Variants in PGAP1 observed in about 807,000 individuals in gnomAD.
PGAP1 encodes post-GPI attachment to proteins inositol deacylase 1, also known as GPI inositol-deacylase.
A neutral mutation model predicts 127.0 loss-of-function variants in PGAP1; 76 were observed. The observed-to-expected ratio is 0.60, with a 90% CI of 0.50 to 0.72. PGAP1 has a LOEUF of 0.72. Among genes scored for constraint, PGAP1 ranks in the 30% least tolerant of loss-of-function variants. The pLI is 0.00. For missense variants in PGAP1, 982 were observed against 1,071.3 expected (o/e 0.92, Z 1.16); for synonymous variants, 362 against 366.5 (o/e 0.99, Z 0.14).
In PGAP1 at chr2:196,839,842, A is replaced by G. The variant is rs1454150852; in HGVS notation, c.*1392T>C. On this transcript the variant is annotated 3_prime_UTR_variant, in exon 27 of 27. Transcript: ENST00000354764. ...AGGACATCCCTGGGTACTAACAAGG[A>G]TACATATTCACAAGTGCAATGGTGG... 6.6e-6 allele frequency: 1 copy of G among 152,238 alleles called. No individual in the cohort carries two copies. Among genetic ancestry groups the G allele is most frequent in the African/African-American group, 2.4e-5 (1 of 41,462 alleles). The allele number at this position is 152,238 out of a possible 1,614,324, so 9.4% of individuals were successfully genotyped here. A position where few individuals can be genotyped will look rare whatever the true frequency, so the allele number is the denominator to read the frequency against.
chr2:196,845,192 C>T (rs1700522163), intron 23 of PGAP1, among the ~76,000 whole-genome samples: 1 of 151,620 alleles, frequency 6.6e-6, no homozygotes. Flanking sequence ...TTTTAAGAAG[C>T]ATATAAATTT....
At chr2:196,900,120 T>G (rs1702434724) in intron 5 of PGAP1, among the ~76,000 whole-genome samples, 1 of 152,214 alleles carries the variant, frequency 6.6e-6, no homozygotes, top group African/African-American at 2.4e-5. Context: ...TTTGTAGGCC[T>G]GACATTTGCC....
At chr2:196,905,585 C>T (rs1270065831) in intron 4 of PGAP1, among the ~76,000 whole-genome samples, 1 of 151,784 alleles carries the variant, frequency 6.6e-6, no homozygotes, top group Non-Finnish European at 1.5e-5. Context: ...TAAGATAATG[C>T]GGGAGGGAGG....
chr2:196,922,161 T>C (rs1413145318), intron 1 of PGAP1: 4 of 1,297,316 alleles, frequency 3.1e-6, no homozygotes, highest in Non-Finnish European at 4.1e-6. Flanking sequence ...TCCTTGACTC[T>C]GCCTTAGTTC....
intron 9 of PGAP1, among the ~76,000 whole-genome samples, chr2:196,891,427 A>G (rs1344091170): frequency 1.3e-5 from 2 of 152,198 alleles, no homozygotes; most frequent in African/African-American, 2.4e-5. Context: ...TGTATCAACA[A>G]AGCTCAGGAA....
At chr2:196,875,294 A>G (rs1249227297) in intron 14 of PGAP1, among the ~76,000 whole-genome samples, 2 of 152,210 alleles carry the variant, frequency 1.3e-5, no homozygotes, top group Non-Finnish European at 2.9e-5. Flanking sequence ...AAAAAATTGT[A>G]TTGTGTTTAT....
intron 20 of PGAP1, among the ~76,000 whole-genome samples, chr2:196,858,966 T>G (rs1029188822): frequency 1.3e-5 from 2 of 152,070 alleles, no homozygotes; most frequent in East Asian, 1.9e-4. Flanking sequence ...ACGGATAAAT[T>G]CTTGGACACA....
At chr2:196,921,215 AAAC>A (rs140168991) in intron 1 of PGAP1, among the ~76,000 whole-genome samples, 1,529 of 151,812 alleles carry the variant, frequency 0.01, 23 homozygotes, top group African/African-American at 0.035. Flanking sequence ...CACACACACA[AAAC>A]AACAAAATTC....
At position 196,838,521 on chromosome 2, in the gene PGAP1, A is replaced by G. The variant is rs990699583; in HGVS notation, c.*2713T>C. ...TGGGTTTAAAGTGCATCAAGACTCAATGAAGACCCTGTCAAAATGTAAGTG... is the reference window on the plus strand; with the variant it reads ...TGGGTTTAAAGTGCATCAAGACTCAGTGAAGACCCTGTCAAAATGTAAGTG... On this transcript the variant is annotated 3_prime_UTR_variant, in exon 27 of 27. Transcript: ENST00000354764. The G allele has an allele frequency of 2.0e-5, 3 of 152,210 alleles. No individual in the cohort carries two copies. The highest frequency in any genetic ancestry group is 4.4e-5 in the Non-Finnish European group (3 of 68,028). The allele number at this position is 152,210 out of a possible 1,614,324, so 9.4% of individuals were successfully genotyped here.
Position 196,848,019 on chromosome 2 carries a change from G to A in PGAP1, c.1880C>T (p.Ala627Val). ...TTTGGCTTCTTTATCCAACATGGTA[G>A]CATATTCTAAGCAACAACCTGGTGA... ...LFSTGCCLEY[A>V]TMLDKEAKPY... Residue 627 changes from alanine to valine, a missense_variant, in exon 21 of 27, where the codon GCT becomes GTT. By Grantham distance (64) the Ala-to-Val change is moderately conservative (BLOSUM62 0). Coordinates refer to ENST00000354764, the MANE Select transcript of PGAP1 (RefSeq NM_024989.4). 6.2e-7 allele frequency: 1 copy of A among 1,600,024 alleles called. No homozygotes were observed.
intron 12 of PGAP1, among the ~76,000 whole-genome samples, chr2:196,884,104 T>G (rs1231651877): frequency 1.3e-5 from 2 of 152,200 alleles, no homozygotes; most frequent in African/African-American, 4.8e-5. Flanking sequence ...AAGAAATACC[T>G]TTTAAAACAT....
At chr2:196,851,366 C>A (rs1324733019) in intron 20 of PGAP1, among the ~76,000 whole-genome samples, 1 of 152,124 alleles carries the variant, frequency 6.6e-6, no homozygotes, top group Non-Finnish European at 1.5e-5. Flanking sequence ...ACTTGTCCAA[C>A]CTCGGGCTGC....
chr2:196,852,375 A>C (rs1700747755), intron 20 of PGAP1, among the ~76,000 whole-genome samples: 1 of 152,120 alleles, frequency 6.6e-6, no homozygotes, highest in South Asian at 2.1e-4. Context: ...TGACTTAAGT[A>C]AATCTTTAAT....
chr2:196,869,436 G>A (rs1048345846), intron 19 of PGAP1, among the ~76,000 whole-genome samples: 5 of 152,138 alleles, frequency 3.3e-5, no homozygotes, highest in South Asian at 4.1e-4. Context: ...CTGGGTTCAC[G>A]CCATTCTCCT....
intron 2 of PGAP1, among the ~76,000 whole-genome samples, chr2:196,919,392 C>A (rs577736110): frequency 6.6e-6 from 1 of 152,240 alleles, no homozygotes; most frequent in Admixed American, 6.5e-5. Flanking sequence ...CATTACATAA[C>A]AATTCTAGTC....
At chr2:196,864,834 T>A (rs1380605993) in intron 20 of PGAP1, among the ~76,000 whole-genome samples, 153 bp downstream of exon 20, 2 of 152,082 alleles carry the variant, frequency 1.3e-5, no homozygotes, top group Non-Finnish European at 2.9e-5. Flanking sequence ...TATAAAAAAA[T>A]AAATAATAAA....
chr2:196,886,097 A>T (rs1340975486), intron 10 of PGAP1, among the ~76,000 whole-genome samples: 1 of 151,058 alleles, frequency 6.6e-6, no homozygotes, highest in African/African-American at 2.4e-5. Context: ...GTCAACATTG[A>T]TAGGTAAGCA....
At chr2:196,861,216 G>A (rs1048386518) in intron 20 of PGAP1, among the ~76,000 whole-genome samples, 5 of 152,064 alleles carry the variant, frequency 3.3e-5, no homozygotes, top group South Asian at 4.1e-4. Context: ...AACCCGAAAC[G>A]ACGAAACTAC....
chr2:196,857,758 T>C (rs1314912943), intron 20 of PGAP1, among the ~76,000 whole-genome samples: 1 of 152,178 alleles, frequency 6.6e-6, no homozygotes, highest in Non-Finnish European at 1.5e-5. Flanking sequence ...ATATCAACCT[T>C]ATACAGAAAA....
Sources: allele counts gnomAD v4.1 joint callset (sites outside exome capture counted in the v4.1 genomes callset), GRCh38; gene constraint gnomAD v4.1.1; transcripts MANE v1.5; gene names NCBI Gene and HGNC (gene_info 2026-07-23, HGNC 2026-07-21).